Variants in AP2B1 observed in about 807,000 individuals in gnomAD.
The protein encoded by AP2B1 is AP-2 complex subunit beta.
In AP2B1, 23 loss-of-function variants were observed where a neutral mutation model predicts 102.0. The ratio of observed to expected loss-of-function variants is 0.23; its 90% confidence interval spans 0.16 to 0.32. The LOEUF (loss-of-function observed/expected upper bound fraction) is 0.32. Among genes scored for constraint, AP2B1 ranks in the 10% least tolerant of loss-of-function variants. AP2B1 has a pLI of 1.00. For synonymous variants in AP2B1, 381 were observed against 421.2 expected (o/e 0.90, Z 1.17); for missense variants, 541 against 1,157.4 (o/e 0.47, Z 7.73).
intron 18 of AP2B1, among the ~76,000 whole-genome samples, chr17:35,687,266 T>C (rs937536199): frequency 6.6e-6 from 1 of 151,764 alleles, no homozygotes; most frequent in Non-Finnish European, 1.5e-5. Flanking sequence ...AGCACACCAC[T>C]ACACCCAGCT....
chr17:35,696,096 G>A (rs2076136550), intron 18 of AP2B1, among the ~76,000 whole-genome samples: 2 of 152,076 alleles, frequency 1.3e-5, no homozygotes, highest in African/African-American at 4.8e-5. Context: ...ATCTAGCTAT[G>A]CCTTTCCCTC....
Position 35,588,814 on chromosome 17 carries a change from T to TA in AP2B1, c.-24+1390dup. On this transcript the variant is annotated intron_variant, in intron 1 of 21. Transcript: ENST00000610402. ...TGATGTATAATGCAAACATCCTCACTAAAAGCTGGGTGGTAAAATCAATAT... is the reference window on the plus strand; with the variant it reads ...TGATGTATAATGCAAACATCCTCACTAAAAAGCTGGGTGGTAAAATCAATAT... 2 of 152,342 alleles carry TA rather than the reference T, an allele frequency of 1.3e-5. 1 individual carries two copies. Among genetic ancestry groups the TA allele is most frequent in the East Asian group, 3.9e-4 (2 of 5,192 alleles). 9.4% of individuals were successfully genotyped at this position (152,342 alleles called of 1,614,324 possible).
At chr17:35,640,233 T>TA (rs775605084) in intron 11 of AP2B1, among the ~76,000 whole-genome samples, 17,946 of 60,268 alleles carry the variant, frequency 0.3, 1,277 homozygotes, top group East Asian at 0.47. Flanking sequence ...ACTGATTTTT[T>TA]TTTTTTTTTT....
chr17:35,664,953 G>A (rs2075432996), intron 14 of AP2B1, among the ~76,000 whole-genome samples: 1 of 151,964 alleles, frequency 6.6e-6, no homozygotes, highest in Non-Finnish European at 1.5e-5. Flanking sequence ...ACTGATAGAA[G>A]CCTTTTCCCC....
At chr17:35,679,927 CTTTTTTTT>C (rs34182919) in intron 17 of AP2B1, among the ~76,000 whole-genome samples, 46 of 136,796 alleles carry the variant, frequency 3.4e-4, no homozygotes, top group African/African-American at 1.2e-3. Flanking sequence ...TGTGTAAACT[CTTTTTTTT>C]TTTTTTTTGA....
At chr17:35,655,694 A>G (rs1391013111) in intron 13 of AP2B1, among the ~76,000 whole-genome samples, 16 of 152,206 alleles carry the variant, frequency 1.1e-4, no homozygotes, top group Admixed American at 9.8e-4. Flanking sequence ...ATAGGTTTCT[A>G]ATTAGCTGTA....
chr17:35,646,586 A>AT (rs34634602), intron 12 of AP2B1, among the ~76,000 whole-genome samples: 24,628 of 135,580 alleles, frequency 0.18, 2,549 homozygotes, highest in African/African-American at 0.24. Context: ...TATATATATA[A>AT]TTTTTTTTTT....
chr17:35,668,368 T>A (rs2075515001), intron 14 of AP2B1, among the ~76,000 whole-genome samples: 1 of 152,154 alleles, frequency 6.6e-6, no homozygotes, highest in South Asian at 2.1e-4. Context: ...TACATTAGAA[T>A]CAACTGGGGA....
chr17:35,638,728 G>T (rs1310497894), intron 10 of AP2B1, among the ~76,000 whole-genome samples: 1 of 150,164 alleles, frequency 6.7e-6, no homozygotes, highest in East Asian at 2.0e-4. Flanking sequence ...GGCGGAGCTT[G>T]CAGTGAGCCG....
rs2075601127 is a variant in AP2B1, at chr17:35,672,087, A to C, written c.2178+187A>C. On this transcript the variant is annotated intron_variant, in intron 16 of 21. Coordinates refer to ENST00000610402, the MANE Select transcript of AP2B1 (RefSeq NM_001030006.2). ...GGAAGCACCATTAGCATCCTTGTTA[A>C]ACATTTTTATAATTAGACTTAAAAT... Among the ~76,000 whole-genome samples the C allele has an allele frequency of 3.3e-5, 5 of 152,208 alleles. No homozygotes were observed. The South Asian group carries it at 1.0e-3, about 32-fold the overall frequency.
At chr17:35,711,410 CA>C (rs782545206) in intron 20 of AP2B1, among the ~76,000 whole-genome samples, 216 of 114,446 alleles carry the variant, frequency 1.9e-3, no homozygotes, top group Admixed American at 2.5e-3. Context: ...GCACAGAAAG[CA>C]AAAAAAAAAA....
chr17:35,682,700 GT>G lies in AP2B1; in HGVS notation c.2331del (p.Val778SerfsTer13), dbSNP rs1375635351. 1 of 1,609,040 alleles carries G rather than the reference GT, an allele frequency of 6.2e-7. No homozygotes were observed. Among genetic ancestry groups the G allele is most frequent in the Admixed American group, 1.7e-5 (1 of 59,760 alleles). On this transcript the variant is annotated frameshift_variant, in exon 18 of 22. Coordinates refer to ENST00000610402, the MANE Select transcript of AP2B1 (RefSeq NM_001030006.2). LOFTEE classifies it high-confidence loss of function. ...TTATGTATCCTCTCTTCTAGCTTTG[GT>G]GTCATCCCCAGCACTCCTCTGGCCA... Reference protein sequence around the residue: ...FAIQFNKNSFGVIPSTPLAIH... With the variant: ...FAIQFNKNSFXVIPSTPLAIH...
At chr17:35,720,571 ATATTTTTT>A (rs1267509749) in intron 21 of AP2B1, among the ~76,000 whole-genome samples, 24 of 44,178 alleles carry the variant, frequency 5.4e-4, no homozygotes, top group African/African-American at 1.1e-3. Flanking sequence ...ATATATATAT[ATATTTTTT>A]TTTTTTTTTT....
At chr17:35,641,776 T>C in intron 11 of AP2B1, 101 bp from the exon 12 acceptor site, 1 of 772,262 alleles carries the variant, frequency 1.3e-6, no homozygotes, top group Non-Finnish European at 2.0e-6. Context: ...TCAGAAAGGC[T>C]CCATAGTAAT....
chr17:35,603,454 T>C (rs527988503), intron 3 of AP2B1, among the ~76,000 whole-genome samples: 24 of 152,340 alleles, frequency 1.6e-4, no homozygotes, highest in African/African-American at 5.0e-4. Context: ...CTGTGGCTTA[T>C]AGGAGAATGG....
At chr17:35,683,065 A>G (rs1484787835) in intron 18 of AP2B1, among the ~76,000 whole-genome samples, 1 of 152,008 alleles carries the variant, frequency 6.6e-6, no homozygotes, top group Non-Finnish European at 1.5e-5. Context: ...TTTAGTAGAG[A>G]TGGGGTTTCA....
At chr17:35,682,997 C>T (rs1174927392) in intron 18 of AP2B1, among the ~76,000 whole-genome samples, 173 bp downstream of exon 18, 1 of 152,102 alleles carries the variant, frequency 6.6e-6, no homozygotes, top group Non-Finnish European at 1.5e-5. Context: ...CCTGCCTCAG[C>T]CTCCCAAGTA....
chr17:35,665,942 A>AT (rs2075455342), intron 14 of AP2B1, among the ~76,000 whole-genome samples: 1 of 152,232 alleles, frequency 6.6e-6, no homozygotes, highest in Non-Finnish European at 1.5e-5. Flanking sequence ...CTCAGTGGTT[A>AT]TCTCAGATGA....
chr17:35,664,520 C>G (rs762310979), intron 14 of AP2B1, among the ~76,000 whole-genome samples: 14 of 152,114 alleles, frequency 9.2e-5, no homozygotes, highest in Non-Finnish European at 1.9e-4. Context: ...GGCTTTTGTC[C>G]TTTTGGTGAT....
Sources: gnomAD v4.1 joint callset for allele counts (sites outside exome capture counted in the v4.1 genomes callset) on GRCh38, gnomAD v4.1.1 for gene constraint, MANE v1.5 for transcripts, NCBI Gene and HGNC (gene_info 2026-07-23, HGNC 2026-07-21) for gene names.